PABPC4L: variants seen among roughly 807,000 people sequenced by gnomAD.
PABPC4L encodes the protein polyadenylate-binding protein 4-like.
For missense variants in PABPC4L, 452 were observed against 451.4 expected (o/e 1.00, Z -0.01); for synonymous variants, 169 against 164.1 (o/e 1.03, Z -0.23).
chr4:134,021,656 A>C, the PABPC4L span, among the ~76,000 whole-genome samples: 1 of 152,172 alleles, frequency 6.6e-6, no homozygotes, highest in Non-Finnish European at 1.5e-5. Context: ...TTATAGTATC[A>C]GCTATTGTAA....
At chr4:134,017,416 ACTT>A in the PABPC4L span, among the ~76,000 whole-genome samples, 1 of 151,834 alleles carries the variant, frequency 6.6e-6, no homozygotes, top group Non-Finnish European at 1.5e-5. Context: ...TGTCATCCCT[ACTT>A]CTTCTGTCTA....
chr4:134,025,420 C>A, the PABPC4L span, among the ~76,000 whole-genome samples: 1 of 151,420 alleles, frequency 6.6e-6, no homozygotes, highest in Non-Finnish European at 1.5e-5. Flanking sequence ...AAATTTACTC[C>A]AAGAAGGGTA....
At chr4:134,038,369 A>G in the PABPC4L span, among the ~76,000 whole-genome samples, 15 of 151,794 alleles carry the variant, frequency 9.9e-5, no homozygotes, top group African/African-American at 3.6e-4. Flanking sequence ...CTCTTTTTCT[A>G]TTGTTTTGAA....
the PABPC4L span, among the ~76,000 whole-genome samples, chr4:134,090,961 T>G: frequency 1.3e-5 from 2 of 152,024 alleles, no homozygotes; most frequent in African/African-American, 4.8e-5. Context: ...ACCCCTAAAT[T>G]TTTCTGGTAA....
At chr4:134,162,571 C>A in the PABPC4L span, among the ~76,000 whole-genome samples, 1 of 152,172 alleles carries the variant, frequency 6.6e-6, no homozygotes, top group African/African-American at 2.4e-5. Context: ...ACACTCTTCT[C>A]ATCAGCACAT....
chr4:134,121,050 C>T, the PABPC4L span, among the ~76,000 whole-genome samples: 1 of 151,070 alleles, frequency 6.6e-6, no homozygotes, highest in Non-Finnish European at 1.5e-5. Flanking sequence ...TACAATTCTA[C>T]TTTCTATTTC....
chr4:134,163,937 CAG>C, the PABPC4L span, among the ~76,000 whole-genome samples: 3 of 152,038 alleles, frequency 2.0e-5, no homozygotes, highest in Admixed American at 2.0e-4. Context: ...TGGAACAAGA[CAG>C]AGATGCCCAC....
chr4:134,157,525 CTGCAGT>C, the PABPC4L span, among the ~76,000 whole-genome samples: 1 of 151,658 alleles, frequency 6.6e-6, no homozygotes, highest in Non-Finnish European at 1.5e-5. Context: ...CTTTTTGCAG[CTGCAGT>C]TGGTGTTTAA....
the PABPC4L span, among the ~76,000 whole-genome samples, chr4:133,995,103 T>C: frequency 2.1e-4 from 32 of 152,314 alleles, no homozygotes; most frequent in East Asian, 4.1e-3. Flanking sequence ...GAGCGGGGCC[T>C]GGGGCCAGCC....
the PABPC4L span, among the ~76,000 whole-genome samples, chr4:134,114,437 G>T: frequency 6.6e-6 from 1 of 151,802 alleles, no homozygotes. Context: ...CAAAACTTAA[G>T]TGGGGAAGGA....
the PABPC4L span, among the ~76,000 whole-genome samples, chr4:134,128,505 T>C: frequency 6.6e-6 from 1 of 152,148 alleles, no homozygotes; most frequent in Admixed American, 6.5e-5. Context: ...ATCTTTAGCC[T>C]CTTTAAACAA....
chr4:134,044,498 T>G, the PABPC4L span, among the ~76,000 whole-genome samples: 6 of 151,704 alleles, frequency 4.0e-5, no homozygotes, highest in Admixed American at 1.3e-4. Context: ...TCTCCTGACC[T>G]CGTGATCCAC....
At chr4:134,139,891 A>C in the PABPC4L span, among the ~76,000 whole-genome samples, 1 of 151,794 alleles carries the variant, frequency 6.6e-6, no homozygotes, top group Non-Finnish European at 1.5e-5. Context: ...AAAATAGTGC[A>C]TTTTCAGTCA....
At chr4:134,169,987 C>T in the PABPC4L span, among the ~76,000 whole-genome samples, 1 of 152,112 alleles carries the variant, frequency 6.6e-6, no homozygotes, top group African/African-American at 2.4e-5. Context: ...GTAATAAGCA[C>T]AGTAACTGTA....
chr4:134,087,199 GA>G, the PABPC4L span, among the ~76,000 whole-genome samples: 2 of 151,946 alleles, frequency 1.3e-5, no homozygotes, highest in African/African-American at 4.8e-5. Context: ...AACAATGATA[GA>G]CTGGATTAAG....
At chr4:133,996,908 A>C in the PABPC4L span, among the ~76,000 whole-genome samples, 1 of 152,194 alleles carries the variant, frequency 6.6e-6, no homozygotes, top group African/African-American at 2.4e-5. Context: ...GAATGATCAA[A>C]GGTTGGTTTC....
chr4:133,993,875 G>C, the PABPC4L span, among the ~76,000 whole-genome samples: 1 of 92,156 alleles, frequency 1.1e-5, no homozygotes, highest in Non-Finnish European at 2.5e-5. Context: ...TGCTGAAGTA[G>C]AAGAAAAAGT....
chr4:134,090,250 C>G, the PABPC4L span, among the ~76,000 whole-genome samples: 1 of 151,974 alleles, frequency 6.6e-6, no homozygotes, highest in African/African-American at 2.4e-5. Context: ...GTTACAATTG[C>G]CTGAATAAAT....
At chr4:134,095,808 G>T in the PABPC4L span, among the ~76,000 whole-genome samples, 1 of 151,768 alleles carries the variant, frequency 6.6e-6, no homozygotes, top group Non-Finnish European at 1.5e-5. Context: ...GCTCTTTAGG[G>T]GAACATTTTC....
Sources: allele counts gnomAD v4.1 joint callset (sites outside exome capture counted in the v4.1 genomes callset), GRCh38; gene constraint gnomAD v4.1.1; transcripts MANE v1.5; gene names NCBI Gene and HGNC (gene_info 2026-07-23, HGNC 2026-07-21).